KCNQ1: variants seen among roughly 807,000 people sequenced by gnomAD.
KCNQ1 encodes the protein potassium voltage-gated channel subfamily KQT member 1.
In KCNQ1, 49 loss-of-function variants were observed where a neutral mutation model predicts 72.4. The ratio of observed to expected loss-of-function variants is 0.68; its 90% CI spans 0.54 to 0.86. The LOEUF is 0.86. Among genes scored for constraint, KCNQ1 ranks in the 40% least tolerant of loss-of-function variants. The pLI, the probability that KCNQ1 is intolerant of heterozygous loss-of-function variation, is 0.00. For missense variants in KCNQ1, 790 were observed against 945.1 expected (o/e 0.84, Z 2.15); for synonymous variants, 450 against 412.6 (o/e 1.09, Z -1.10).
At chr11:2,521,660 C>T in intron 1 of KCNQ1, 1 of 413,270 alleles carries the variant, frequency 2.4e-6, no homozygotes, top group Non-Finnish European at 5.1e-6. Context: ...GTAGGTGGCT[C>T]TCTTTAAGGT....
chr11:2,506,523 A>G (rs1449537949), intron 1 of KCNQ1, among the ~76,000 whole-genome samples: 1 of 152,232 alleles, frequency 6.6e-6, no homozygotes, highest in African/African-American at 2.4e-5. Flanking sequence ...AGCCTTATAC[A>G]TATGTCTATT....
intron 11 of KCNQ1, chr11:2,699,676 G>A (rs1187017440): frequency 2.0e-5 from 7 of 354,802 alleles, no homozygotes; most frequent in South Asian, 1.3e-4. Context: ...GGAGAACCGC[G>A]CCGAAAAGCC....
chr11:2,710,154 C>G lies in KCNQ1; in HGVS notation c.1514+48073C>G, dbSNP rs540364541. The stretch of plus-strand genomic sequence containing the variant: ...TCCACATTCTCACCAACACTTGTTA[C>G]TGTCTGCCGTTTTCATTTTAGCCAT... On this transcript the variant is annotated intron_variant, in intron 11 of 15. Coordinates refer to ENST00000155840, the MANE Select transcript of KCNQ1 (RefSeq NM_000218.3). This position sits in a 1 kb window ranked among gnomAD's most constrained non-coding sequence, Gnocchi z 4.1. Among the ~76,000 whole-genome samples, 4 of 152,324 alleles carry G rather than the reference C, an allele frequency of 2.6e-5. No homozygotes were observed. In the East Asian group the frequency reaches 5.8e-4, roughly 22 times the overall value.
intron 1 of KCNQ1, among the ~76,000 whole-genome samples, chr11:2,470,579 A>G (rs1424499954): frequency 2.0e-5 from 3 of 151,984 alleles, no homozygotes; most frequent in East Asian, 3.9e-4. Flanking sequence ...AGAAAACCCA[A>G]TGACAGTTAT....
In KCNQ1 at chr11:2,549,045, G is replaced by T. The variant is rs1847940762; in HGVS notation, c.477+21027G>T. On this transcript the variant is annotated intron_variant, in intron 2 of 15. Coordinates refer to ENST00000155840, the MANE Select transcript of KCNQ1 (RefSeq NM_000218.3). This position sits in a 1 kb window ranked among gnomAD's most constrained non-coding sequence, Gnocchi z 6.2. The stretch of plus-strand genomic sequence containing the variant: ...ACACGACCTGGTTTCTTCATCCCAG[G>T]GGCTGTCTCCAGGGTGGGTTCTAGA... Among the ~76,000 whole-genome samples, 2 of 152,178 alleles carry T rather than the reference G, an allele frequency of 1.3e-5. No homozygotes were observed.
intron 11 of KCNQ1, among the ~76,000 whole-genome samples, chr11:2,717,268 C>T (rs1398602187): frequency 6.6e-6 from 1 of 152,170 alleles, no homozygotes; most frequent in Non-Finnish European, 1.5e-5. Context: ...TGTTGGGGAG[C>T]AGGAATCACA....
At chr11:2,738,051 G>A (rs1199334151) in intron 11 of KCNQ1, among the ~76,000 whole-genome samples, 3 of 152,180 alleles carry the variant, frequency 2.0e-5, no homozygotes, top group African/African-American at 7.2e-5. Context: ...GCTGGGAGGG[G>A]CCGAGCCTGG....
chr11:2,460,589 A>G (rs1310395841), intron 1 of KCNQ1, among the ~76,000 whole-genome samples: 1 of 149,736 alleles, frequency 6.7e-6, no homozygotes, highest in Non-Finnish European at 1.5e-5. Context: ...CCTCTCAGGT[A>G]CAGGGACTGT....
chr11:2,667,625 T>C (rs1003639329), intron 11 of KCNQ1: 3 of 398,642 alleles, frequency 7.5e-6, no homozygotes, highest in East Asian at 7.1e-5. Flanking sequence ...AGATCTCTTG[T>C]GTGCTCTGCT....
chr11:2,848,023 G>C lies in KCNQ1; in HGVS notation c.*20G>C. ...TCCTGAGGAGGGGATGGGGCTGGGG[G>C]ATGGGCCTGAGTGAGAGGGGAGGCC... On this transcript the variant is annotated 3_prime_UTR_variant, in exon 16 of 16. Coordinates refer to ENST00000155840, the MANE Select transcript of KCNQ1 (RefSeq NM_000218.3). 6.5e-7 allele frequency: 1 copy of C among 1,531,132 alleles called. No individual in the cohort carries two copies. Among genetic ancestry groups the C allele is most frequent in the Admixed American group, 2.0e-5 (1 of 49,906 alleles). The allele number at this position is 1,531,132 out of a possible 1,614,324, so 94.8% of individuals were successfully genotyped here.
intron 6 of KCNQ1, among the ~76,000 whole-genome samples, chr11:2,578,729 A>T (rs1848456887): frequency 6.6e-6 from 1 of 152,040 alleles, no homozygotes. Flanking sequence ...CGCTCTCCTG[A>T]CTCCATCCTT....
In KCNQ1 at chr11:2,682,581, C is replaced by A. The variant is rs1255310628; in HGVS notation, c.1514+20500C>A. Reference sequence around the variant, plus strand: ...TAAGGCTATGCTGGGGTTCAGGCAACCCAAGGCTGGTCTGGAGAGTGTAAG... The same window carrying A: ...TAAGGCTATGCTGGGGTTCAGGCAAACCAAGGCTGGTCTGGAGAGTGTAAG... On this transcript the variant is annotated intron_variant, in intron 11 of 15. Transcript: ENST00000155840. This position sits in a 1 kb window ranked among gnomAD's most constrained non-coding sequence, Gnocchi z 5.8. 3 of 398,462 alleles carry A rather than the reference C, an allele frequency of 7.5e-6. No individual in the cohort carries two copies. Among genetic ancestry groups the A allele is most frequent in the Non-Finnish European group, 1.3e-5 (3 of 226,108 alleles). 24.7% of individuals were successfully genotyped at this position (398,462 alleles called of 1,614,324 possible). A position where few individuals can be genotyped will look rare whatever the true frequency, so the allele number is the denominator to read the frequency against.
chr11:2,748,392 TGTG>T lies in KCNQ1; in HGVS notation c.1515-20448_1515-20446del, dbSNP rs1480039833. ...AGGGTGGTTGTGTGTGTTGGGTAGATGTGGTGAGGTGTGCTGGTGGGGAGGGTC... is the reference window on the plus strand; with the variant it reads ...AGGGTGGTTGTGTGTGTTGGGTAGATGTGAGGTGTGCTGGTGGGGAGGGTC... On this transcript the variant is annotated intron_variant, in intron 11 of 15. Coordinates refer to ENST00000155840, the MANE Select transcript of KCNQ1 (RefSeq NM_000218.3). This position sits in a 1 kb window ranked among gnomAD's most constrained non-coding sequence, Gnocchi z 6.2. Among the ~76,000 whole-genome samples, 1 of 152,152 alleles carries T rather than the reference TGTG, an allele frequency of 6.6e-6. No homozygotes were observed. Among genetic ancestry groups the T allele is most frequent in the Non-Finnish European group, 1.5e-5 (1 of 68,006 alleles).
At chr11:2,589,005 T>A in intron 10 of KCNQ1, 151 bp downstream of exon 10, 1 of 949,782 alleles carries the variant, frequency 1.1e-6, no homozygotes, top group South Asian at 1.5e-5. Flanking sequence ...TAGAAACTTC[T>A]GTAAACCTTC....
chr11:2,585,323 G>A lies in KCNQ1; in HGVS notation c.1128+16G>A. On this transcript the variant is annotated intron_variant, in intron 8 of 15. Coordinates refer to ENST00000155840, the MANE Select transcript of KCNQ1 (RefSeq NM_000218.3). ...ACTCATTCAGGTGCGGTGCCTGCAAGGCCCTGGTCACTGTCATTTTGGTCA... is the reference window on the plus strand; with the variant it reads ...ACTCATTCAGGTGCGGTGCCTGCAAAGCCCTGGTCACTGTCATTTTGGTCA... The A allele has an allele frequency of 1.2e-6, 2 of 1,609,066 alleles. No individual in the cohort carries two copies. The highest frequency in any genetic ancestry group is 1.7e-6 in the Non-Finnish European group (2 of 1,175,720).
In KCNQ1 at chr11:2,713,762, T is replaced by G. The variant is rs1172343752; in HGVS notation, c.1514+51681T>G. ...TGGGTTCTCTTGGCTGCTGGTAAGATTATCCATTAAATCCATATTCCTCAC... is the reference window on the plus strand; with the variant it reads ...TGGGTTCTCTTGGCTGCTGGTAAGAGTATCCATTAAATCCATATTCCTCAC... On this transcript the variant is annotated intron_variant, in intron 11 of 15. Transcript: ENST00000155840. The surrounding 1 kb of genome is among the most constrained non-coding windows in gnomAD (Gnocchi z 5.6). Among the ~76,000 whole-genome samples the G allele has an allele frequency of 1.3e-5, 2 of 152,234 alleles. No individual in the cohort carries two copies. Among genetic ancestry groups the G allele is most frequent in the Non-Finnish European group, 2.9e-5 (2 of 68,040 alleles).
At chr11:2,644,653 C>T in intron 10 of KCNQ1, 2 of 398,600 alleles carry the variant, frequency 5.0e-6, no homozygotes, top group South Asian at 1.3e-4. Flanking sequence ...GGTATCTGCA[C>T]ATCTGGTGTA....
In KCNQ1 at chr11:2,712,946, C is replaced by T. The variant is rs77294061; in HGVS notation, c.1514+50865C>T. Among the ~76,000 whole-genome samples the T allele has an allele frequency of 0.058, 8,792 of 152,108 alleles. 339 individuals carry two copies. The highest frequency in any genetic ancestry group is 0.15 in the Middle Eastern group (43 of 294). On this transcript the variant is annotated intron_variant, in intron 11 of 15. Coordinates refer to ENST00000155840, the MANE Select transcript of KCNQ1 (RefSeq NM_000218.3). This position sits in a 1 kb window ranked among gnomAD's most constrained non-coding sequence, Gnocchi z 6.4. ...CAAGATCAGCTCCCTGGAAGACACCCGGGTTGTAAACAGGGTGGGGCAGGG... is the reference window on the plus strand; with the variant it reads ...CAAGATCAGCTCCCTGGAAGACACCTGGGTTGTAAACAGGGTGGGGCAGGG...
intron 11 of KCNQ1, among the ~76,000 whole-genome samples, chr11:2,753,498 C>T (rs897810920): frequency 1.3e-5 from 2 of 152,308 alleles, no homozygotes; most frequent in Non-Finnish European, 2.9e-5. Context: ...TGCTCTGTGT[C>T]CCCTCCCTCT....
Sources: gnomAD v4.1 joint callset for allele counts (sites outside exome capture counted in the v4.1 genomes callset) on GRCh38, gnomAD v4.1.1 for gene constraint, Gnocchi (gnomAD v3.1) non-coding constraint, MANE v1.5 for transcripts, NCBI Gene and HGNC (gene_info 2026-07-23, HGNC 2026-07-21) for gene names.